Variants in DZANK1 observed in about 807,000 individuals in gnomAD.
DZANK1 encodes the protein double zinc ribbon and ankyrin repeat-containing protein 1.
In DZANK1, 91 loss-of-function variants were observed where a neutral mutation model predicts 94.5. The observed-to-expected ratio is 0.96, with a 90% CI of 0.81 to 1.15. DZANK1 has a LOEUF of 1.15. DZANK1 is among the 50% of genes most tolerant of loss of function. DZANK1 has a pLI of 0.00. For missense variants in DZANK1, 903 were observed against 916.4 expected (o/e 0.99, Z 0.19); for synonymous variants, 312 against 325.3 (o/e 0.96, Z 0.44).
At chr20:18,423,624 C>G (rs1364907694) in intron 10 of DZANK1, among the ~76,000 whole-genome samples, 1 of 152,116 alleles carries the variant, frequency 6.6e-6, no homozygotes, top group Non-Finnish European at 1.5e-5. Flanking sequence ...ACAGAGTGTG[C>G]TCTCTGACCA....
At chr20:18,404,958 C>T (rs998388385) in intron 13 of DZANK1, among the ~76,000 whole-genome samples, 3 of 149,706 alleles carry the variant, frequency 2.0e-5, no homozygotes, top group African/African-American at 7.4e-5. Context: ...TTTCAGAAGG[C>T]TGAGGTGGGA....
At chr20:18,465,747 C>G (rs2059626854) in intron 1 of DZANK1, among the ~76,000 whole-genome samples, 3 of 152,202 alleles carry the variant, frequency 2.0e-5, no homozygotes, top group Admixed American at 2.0e-4. Context: ...TGTGTGTCAG[C>G]TCTCTTGGCT....
At chr20:18,426,056 G>C (rs1212942077) in intron 10 of DZANK1, among the ~76,000 whole-genome samples, 1 of 152,078 alleles carries the variant, frequency 6.6e-6, no homozygotes, top group African/African-American at 2.4e-5. Context: ...GATACCGGTA[G>C]ACCAGGGGTC....
chr20:18,394,160 G>A (rs544347582), intron 16 of DZANK1, 94 bp downstream of exon 16: 12 of 1,046,154 alleles, frequency 1.1e-5, no homozygotes, highest in Admixed American at 2.1e-5. Flanking sequence ...ATCTGTGACC[G>A]GGCTGTCAAA....
At chr20:18,422,181 G>T (rs2057813925) in intron 10 of DZANK1, among the ~76,000 whole-genome samples, 1 of 152,170 alleles carries the variant, frequency 6.6e-6, no homozygotes, top group African/African-American at 2.4e-5. Flanking sequence ...TCCAATAGAA[G>T]TTTTTCAGTT....
rs768785389 is a variant in DZANK1 at position 18,452,747 on chromosome 20, G to C, written c.476-65C>G. On this transcript the variant is annotated intron_variant, in intron 5 of 20. Transcript: ENST00000262547. ...TTTCACCTACCTGGACGTCTACAAT[G>C]ATATTAAAAACATTATTCTTTGAGC... is the stretch of plus-strand genomic sequence containing the variant. 1.9e-6 allele frequency: 3 copies of C among 1,552,182 alleles called. No individual in the cohort carries two copies. The South Asian group carries it at 3.6e-5, about 19-fold the overall frequency.
chr20:18,395,626 G>A (rs894820946), intron 15 of DZANK1, among the ~76,000 whole-genome samples: 3 of 152,072 alleles, frequency 2.0e-5, no homozygotes, highest in Admixed American at 1.3e-4. Context: ...CCTCAACTGG[G>A]GACAACTTTG....
intron 13 of DZANK1, among the ~76,000 whole-genome samples, chr20:18,410,344 T>C (rs1240206969): frequency 6.6e-6 from 1 of 152,184 alleles, no homozygotes; most frequent in Non-Finnish European, 1.5e-5. Flanking sequence ...GGAATTAATT[T>C]AGTATAAACT....
intron 8 of DZANK1, among the ~76,000 whole-genome samples, chr20:18,438,675 G>C (rs1186135254): frequency 6.6e-6 from 1 of 152,198 alleles, no homozygotes; most frequent in Non-Finnish European, 1.5e-5. Flanking sequence ...GTCTGTTCAG[G>C]CTGTGATAAC....
rs1248457781 is a variant in DZANK1 at position 18,401,381 on chromosome 20, C to T, written c.1433-2755G>A. 2.0e-5 allele frequency among the ~76,000 whole-genome samples: 3 copies of T among 152,194 alleles called. No homozygotes were observed. In the East Asian group the frequency reaches 5.8e-4, roughly 29 times the overall value. ...AATTCAAAGGGACTAGTTTCTGCTA[C>T]AGGAAACTGAAAACCTATTTCTATT... On this transcript the variant is annotated intron_variant, in intron 13 of 20. Coordinates refer to ENST00000262547, the Ensembl canonical transcript of DZANK1.
intron 8 of DZANK1, among the ~76,000 whole-genome samples, chr20:18,439,809 A>C (rs996802221): frequency 6.6e-6 from 1 of 152,170 alleles, no homozygotes; most frequent in Non-Finnish European, 1.5e-5. Flanking sequence ...CACAGGTATC[A>C]ACCCCACTCC....
rs2058342184 is a variant in DZANK1 at position 18,432,924 on chromosome 20, A to C, written c.861+728T>G. 2 of 152,198 alleles carry C rather than the reference A, an allele frequency of 1.3e-5. 1 individual carries two copies. The highest frequency in any genetic ancestry group is 4.1e-4 in the South Asian group (2 of 4,832). 9.4% of individuals were successfully genotyped at this position (152,198 alleles called of 1,614,324 possible). The stretch of plus-strand genomic sequence containing the variant: ...TTTTTGGATGTAAGTGATGATACAT[A>C]ACTTTTTCTTCCATGTGACTAGTTC... On this transcript the variant is annotated intron_variant, in intron 9 of 20. Transcript: ENST00000262547.
intron 9 of DZANK1, among the ~76,000 whole-genome samples, chr20:18,430,740 G>A (rs998181741): frequency 4.6e-5 from 7 of 152,180 alleles, no homozygotes; most frequent in East Asian, 3.9e-4. Flanking sequence ...ACTTGATCCC[G>A]GGAGTTCAGG....
intron 3 of DZANK1, among the ~76,000 whole-genome samples, chr20:18,459,861 G>T (rs1242230547): frequency 6.6e-6 from 1 of 152,036 alleles, no homozygotes; most frequent in East Asian, 1.9e-4. Context: ...AGAGACCCCC[G>T]GCCCTGGAAA....
intron 1 of DZANK1, among the ~76,000 whole-genome samples, chr20:18,465,954 CAAG>C (rs1211183727): frequency 6.6e-6 from 1 of 152,140 alleles, no homozygotes; most frequent in Non-Finnish European, 1.5e-5. Flanking sequence ...AGGAAGTTTG[CAAG>C]AATATAAACA....
At chr20:18,414,219 T>C in intron 12 of DZANK1, 129 bp downstream of exon 12, 1 of 1,099,014 alleles carries the variant, frequency 9.1e-7, no homozygotes. Flanking sequence ...ACACACCTAG[T>C]TGAAATTCCA....
intron 10 of DZANK1, among the ~76,000 whole-genome samples, chr20:18,416,777 A>G (rs2057509607): frequency 6.6e-6 from 1 of 152,130 alleles, no homozygotes. Flanking sequence ...TTTCTGTGCA[A>G]TTAGAGGGAA....
At chr20:18,448,868 A>G in intron 7 of DZANK1, 116 bp downstream of exon 7, 2 of 152,956 alleles carry the variant, frequency 1.3e-5, no homozygotes, top group Non-Finnish European at 2.1e-5. Context: ...CTCCGTCTCA[A>G]AAAAAAAAAA....
intron 15 of DZANK1, chr20:18,394,701 T>C (rs546098122): frequency 2.1e-5 from 11 of 513,298 alleles, no homozygotes; most frequent in Admixed American, 6.2e-5. Context: ...AGTGATTGTG[T>C]CATTTCTCTG....
Sources: gnomAD v4.1 joint callset for allele counts (sites outside exome capture counted in the v4.1 genomes callset) on GRCh38, gnomAD v4.1.1 for gene constraint, MANE v1.5 for transcripts, NCBI Gene and HGNC (gene_info 2026-07-23, HGNC 2026-07-21) for gene names.